Variants in B4GALT1 observed in about 807,000 individuals in gnomAD.
B4GALT1 encodes the protein beta-1,4-galactosyltransferase 1.
B4GALT1 carries 16 observed loss-of-function variants against 34.9 expected under a neutral mutation model. The observed-to-expected ratio is 0.46, with a 90% confidence interval of 0.31 to 0.70. The LOEUF is 0.70. Among genes scored for constraint, B4GALT1 ranks in the 30% least tolerant of loss-of-function variants. The probability of loss-of-function intolerance (pLI) is 0.05; values close to 1 mark genes in which losing one functional copy is unlikely to be tolerated. For synonymous variants in B4GALT1, 221 were observed against 218.1 expected, an observed-to-expected ratio of 1.01 and a Z score of -0.12; for missense variants, 445 against 530.5, an observed-to-expected ratio of 0.84 and a Z score of 1.58.
At chr9:33,134,221 G>A (rs975386565) in intron 2 of B4GALT1, among the ~76,000 whole-genome samples, 1 of 152,204 alleles carries the variant, frequency 6.6e-6, no homozygotes, top group African/African-American at 2.4e-5. Flanking sequence ...AAGGTGCACA[G>A]AGTTCCTTGA....
chr9:33,140,535 C>CT (rs751792661), intron 1 of B4GALT1, among the ~76,000 whole-genome samples: 4 of 152,114 alleles, frequency 2.6e-5, no homozygotes, highest in Non-Finnish European at 5.9e-5. Context: ...GGTCAGGCCT[C>CT]TAAGTTTGTT....
intron 5 of B4GALT1, 52 bp from the exon 6 acceptor site, chr9:33,113,638 G>A (rs1386274035): frequency 1.2e-6 from 2 of 1,612,982 alleles, no homozygotes; most frequent in South Asian, 1.1e-5. Flanking sequence ...ATCTTAAGAA[G>A]AAATCATCAC....
At chr9:33,181,488 G>T in the B4GALT1 span, among the ~76,000 whole-genome samples, 1 of 149,518 alleles carries the variant, frequency 6.7e-6, no homozygotes, top group African/African-American at 2.5e-5. Context: ...AGTGTAGTTT[G>T]CAGAATCAAC....
chr9:33,121,697 T>C (rs1185330493), intron 2 of B4GALT1, among the ~76,000 whole-genome samples: 1 of 152,134 alleles, frequency 6.6e-6, no homozygotes, highest in Non-Finnish European at 1.5e-5. Flanking sequence ...CAATGAAGGT[T>C]AGGATGTTTT....
the B4GALT1 span, chr9:33,174,180 T>A: frequency 6.5e-6 from 1 of 152,830 alleles, no homozygotes; most frequent in African/African-American, 2.4e-5. Flanking sequence ...ACCATCCTTT[T>A]CTTGGGGTTG....
At chr9:33,165,811 G>A (rs542201730) in intron 1 of B4GALT1, among the ~76,000 whole-genome samples, 1 of 152,308 alleles carries the variant, frequency 6.6e-6, no homozygotes, top group East Asian at 1.9e-4. Context: ...TCCAGACTAG[G>A]CTCAGCCAGC....
At chr9:33,183,391 C>A in the B4GALT1 span, among the ~76,000 whole-genome samples, 2 of 148,758 alleles carry the variant, frequency 1.3e-5, no homozygotes, top group Admixed American at 1.3e-4. Context: ...ACCCAAATGT[C>A]CAACAATGAT....
intron 2 of B4GALT1, among the ~76,000 whole-genome samples, chr9:33,129,406 G>A (rs367808232): frequency 6.6e-6 from 1 of 152,208 alleles, no homozygotes; most frequent in East Asian, 1.9e-4. Flanking sequence ...CCAAGGGAGG[G>A]ATCCTGCAAG....
intron 1 of B4GALT1, among the ~76,000 whole-genome samples, chr9:33,138,148 C>G (rs1023533221): frequency 6.6e-6 from 1 of 152,212 alleles, no homozygotes; most frequent in Non-Finnish European, 1.5e-5. Flanking sequence ...GGGACAGACA[C>G]CTGCAGGCTG....
chr9:33,132,689 G>A (rs767778515), intron 2 of B4GALT1, among the ~76,000 whole-genome samples: 4 of 152,132 alleles, frequency 2.6e-5, no homozygotes, highest in Non-Finnish European at 4.4e-5. Flanking sequence ...TATGTAAATT[G>A]TATCATAGGA....
At chr9:33,184,902 G>T in the B4GALT1 span, among the ~76,000 whole-genome samples, 1 of 152,148 alleles carries the variant, frequency 6.6e-6, no homozygotes, top group Non-Finnish European at 1.5e-5. Flanking sequence ...AGCCACAAAA[G>T]AAATATTATA....
At chr9:33,128,999 T>C (rs1226659749) in intron 2 of B4GALT1, among the ~76,000 whole-genome samples, 1 of 152,134 alleles carries the variant, frequency 6.6e-6, no homozygotes, top group Non-Finnish European at 1.5e-5. Flanking sequence ...CCTAAAACAG[T>C]GCACAGAAGA....
At chr9:33,149,114 A>G (rs1564050180) in intron 1 of B4GALT1, among the ~76,000 whole-genome samples, 1 of 152,152 alleles carries the variant, frequency 6.6e-6, no homozygotes, top group Non-Finnish European at 1.5e-5. Flanking sequence ...ATCAACTACC[A>G]TAATAACTGA....
chr9:33,106,456 G>A (rs951995832), downstream of B4GALT1, among the ~76,000 whole-genome samples: 1 of 152,228 alleles, frequency 6.6e-6, no homozygotes, highest in Non-Finnish European at 1.5e-5. Flanking sequence ...TGACCCTGCT[G>A]AGCTTGGTAG....
intron 1 of B4GALT1, among the ~76,000 whole-genome samples, chr9:33,136,121 C>G (rs1840269106): frequency 6.6e-6 from 1 of 152,000 alleles, no homozygotes. Context: ...GCTGGAAACA[C>G]AGAAGAATGT....
At chr9:33,122,088 T>C (rs1340260368) in intron 2 of B4GALT1, among the ~76,000 whole-genome samples, 1 of 152,162 alleles carries the variant, frequency 6.6e-6, no homozygotes, top group African/African-American at 2.4e-5. Context: ...GAATCCTCAT[T>C]CAATGCTCTT....
At chr9:33,176,120 C>G in the B4GALT1 span, among the ~76,000 whole-genome samples, 1 of 152,186 alleles carries the variant, frequency 6.6e-6, no homozygotes, top group South Asian at 2.1e-4. Flanking sequence ...CTCTGTGGCT[C>G]TTATCTCTAC....
chr9:33,184,727 C>A, the B4GALT1 span, among the ~76,000 whole-genome samples: 36 of 152,318 alleles, frequency 2.4e-4, 1 homozygote, highest in African/African-American at 8.7e-4. Flanking sequence ...TGAGCTGCAA[C>A]GCTCTAAACC....
At chr9:33,177,461 T>G in the B4GALT1 span, 1 of 152,190 alleles carries the variant, frequency 6.6e-6, no homozygotes. Flanking sequence ...TAGCCCACCG[T>G]CTGTTTTGGT....
Sources: allele counts gnomAD v4.1 joint callset (sites outside exome capture counted in the v4.1 genomes callset), GRCh38; gene constraint gnomAD v4.1.1; transcripts MANE v1.5; gene names NCBI Gene and HGNC (gene_info 2026-07-23, HGNC 2026-07-21).